BICD1: variants seen among roughly 807,000 people sequenced by gnomAD.
BICD1 encodes protein bicaudal D homolog 1.
Under a neutral mutation model 92.5 loss-of-function variants are expected in BICD1, and 35 were observed. The observed-to-expected ratio is 0.38, with a 90% CI of 0.29 to 0.50. The LOEUF is 0.50. Among genes scored for constraint, BICD1 ranks in the 20% least tolerant of loss-of-function variants. The pLI is 0.93. For missense variants in BICD1, 950 were observed against 1,189.8 expected (o/e 0.80, Z 2.97); for synonymous variants, 429 against 465.1 (o/e 0.92, Z 1.00).
intron 1 of BICD1, among the ~76,000 whole-genome samples, chr12:32,120,244 A>G (rs1274321182): frequency 6.6e-6 from 1 of 152,168 alleles, no homozygotes; most frequent in Non-Finnish European, 1.5e-5. Flanking sequence ...TTGGTTGTAC[A>G]TCTTTACTGT....
rs1036446920 is a variant in BICD1 at position 32,182,379 on chromosome 12, T to G, written c.214-33868T>G. Among the ~76,000 whole-genome samples, 3 of 143,564 alleles carry G rather than the reference T, an allele frequency of 2.1e-5. No homozygotes were observed. The South Asian group carries it at 6.8e-4, about 33-fold the overall frequency. The allele number at this position is 143,564 out of a possible 152,430, so 94.2% of individuals were successfully genotyped here. The stretch of plus-strand genomic sequence containing the variant: ...CTCACTGCAACCTCCACCTCCCGGG[T>G]CCAGGCAATTCTCCTGCCTCAGCCT... On this transcript the variant is annotated intron_variant, in intron 1 of 9. Transcript: ENST00000652176.
intron 1 of BICD1, among the ~76,000 whole-genome samples, chr12:32,119,372 A>T (rs1161439472): frequency 6.6e-6 from 1 of 152,108 alleles, no homozygotes. Context: ...TTCAATACAG[A>T]CTGTATGTTA....
chr12:32,123,436 C>T (rs544871074), intron 1 of BICD1, among the ~76,000 whole-genome samples: 4 of 152,184 alleles, frequency 2.6e-5, no homozygotes, highest in East Asian at 1.9e-4. Context: ...GACTAAGACC[C>T]CCTTCAGGGA....
Position 32,378,125 on chromosome 12 carries a change from T to C in BICD1, c.*498T>C, listed in dbSNP as rs76033317. On this transcript the variant is annotated 3_prime_UTR_variant, in exon 10 of 10. Transcript: ENST00000652176. Reference sequence around the variant, plus strand: ...TGAATTTAATTCATTTATTTTCAAATAAGCATAATTTGCTCAATTAAGTAT... The same window carrying C: ...TGAATTTAATTCATTTATTTTCAAACAAGCATAATTTGCTCAATTAAGTAT... 817 of 152,604 alleles carry C rather than the reference T, an allele frequency of 5.4e-3. 4 individuals are homozygous for C. Among genetic ancestry groups the C allele is most frequent in the African/African-American group, 0.019 (788 of 41,586 alleles). 9.5% of individuals were successfully genotyped at this position (152,604 alleles called of 1,614,324 possible).
chr12:32,376,232 C>T (rs1014276416), intron 9 of BICD1, among the ~76,000 whole-genome samples: 3 of 151,876 alleles, frequency 2.0e-5, no homozygotes, highest in South Asian at 2.1e-4. Context: ...TACAGGCACA[C>T]GCCACCATAC....
In BICD1 at chr12:32,327,578, G is replaced by A. The variant is rs1160863630; in HGVS notation, c.1123G>A (p.Val375Ile). ...HERVHRLTEH[V>I]NAMRGLQSSK... ...GCGGGTGCACCGGCTCACAGAGCAC[G>A]TCAATGCCATGAGGGGCCTGCAAAG... is the stretch of plus-strand genomic sequence containing the variant. Residue 375 changes from valine to isoleucine, a missense_variant, in exon 5 of 10, where the codon GTC becomes ATC. Val to Ile is a conservative substitution (Grantham distance 29). Around this residue, in one of 5 missense-constraint regions of BICD1, gnomAD observed 246 missense variants for 258.4 expected, o/e 0.95. Transcript: ENST00000652176. The A allele has an allele frequency of 3.1e-6, 5 of 1,614,166 alleles. No individual in the cohort carries two copies. The highest frequency in any genetic ancestry group is 2.2e-5 in the South Asian group (2 of 91,082).
intron 4 of BICD1, among the ~76,000 whole-genome samples, chr12:32,309,490 T>A (rs1948320539): frequency 6.6e-6 from 1 of 152,194 alleles, no homozygotes; most frequent in African/African-American, 2.4e-5. Flanking sequence ...ATATTAACAT[T>A]TCTGCAGTGA....
At chr12:32,141,325 A>T (rs1232457584) in intron 1 of BICD1, among the ~76,000 whole-genome samples, 1 of 151,376 alleles carries the variant, frequency 6.6e-6, no homozygotes. Context: ...TATATTTCTG[A>T]TTTTTTTTTG....
chr12:32,278,736 G>A (rs1947339428), intron 2 of BICD1, among the ~76,000 whole-genome samples: 1 of 152,152 alleles, frequency 6.6e-6, no homozygotes, highest in Non-Finnish European at 1.5e-5. Flanking sequence ...GGCGCCTGTA[G>A]TCCCAGCTAC....
intron 2 of BICD1, among the ~76,000 whole-genome samples, chr12:32,244,101 A>G (rs1489593362): frequency 7.2e-6 from 1 of 139,582 alleles, no homozygotes; most frequent in Non-Finnish European, 1.5e-5. Context: ...AATTAAAATC[A>G]TTGTCTTTCA....
intron 1 of BICD1, among the ~76,000 whole-genome samples, chr12:32,201,989 G>A (rs1944917820): frequency 6.6e-6 from 1 of 152,180 alleles, no homozygotes; most frequent in Non-Finnish European, 1.5e-5. Context: ...TTAGTAATAA[G>A]AGACTAGCTT....
intron 1 of BICD1, among the ~76,000 whole-genome samples, chr12:32,198,336 AT>A (rs1296702630): frequency 1.5e-5 from 2 of 136,904 alleles, no homozygotes; most frequent in Non-Finnish European, 3.2e-5. Flanking sequence ...CTATCTATAT[AT>A]ATATATATAT....
chr12:32,216,123 T>C, intron 1 of BICD1, 124 bp from the exon 2 acceptor site: 1 of 806,742 alleles, frequency 1.2e-6, no homozygotes, highest in Non-Finnish European at 1.9e-6. Context: ...ACTGTTATAT[T>C]TCGGGGGTCT....
At chr12:32,263,878 A>G (rs1946923470) in intron 2 of BICD1, among the ~76,000 whole-genome samples, 1 of 152,214 alleles carries the variant, frequency 6.6e-6, no homozygotes, top group African/African-American at 2.4e-5. Flanking sequence ...AGTGCTTTGC[A>G]TGGGTAGGGC....
chr12:32,251,989 A>ATTTATAATACATATTTATAATATT (rs1555156943), intron 2 of BICD1, among the ~76,000 whole-genome samples: 23 of 104,280 alleles, frequency 2.2e-4, no homozygotes, highest in African/African-American at 1.2e-3. Context: ...CTATATATAT[A>ATTTATAATACATATTTATAATATT]ATATATTTAT....
At chr12:32,125,983 A>G (rs1942316870) in intron 1 of BICD1, among the ~76,000 whole-genome samples, 1 of 141,606 alleles carries the variant, frequency 7.1e-6, no homozygotes, top group Admixed American at 7.4e-5. Context: ...CAGGAGGTGG[A>G]GTTTGCAGTT....
intron 1 of BICD1, among the ~76,000 whole-genome samples, chr12:32,196,166 A>G (rs1944719836): frequency 6.6e-6 from 1 of 152,194 alleles, no homozygotes; most frequent in Non-Finnish European, 1.5e-5. Flanking sequence ...GGATGTGGAG[A>G]AAAGAGAATT....
At chr12:32,228,909 G>A (rs1034526888) in intron 2 of BICD1, among the ~76,000 whole-genome samples, 1 of 152,154 alleles carries the variant, frequency 6.6e-6, no homozygotes, top group Non-Finnish European at 1.5e-5. Flanking sequence ...AATAGTGGGT[G>A]ATAAGGGCTA....
intron 8 of BICD1, among the ~76,000 whole-genome samples, chr12:32,346,662 A>C: frequency 8.6e-6 from 1 of 116,596 alleles, no homozygotes; most frequent in African/African-American, 2.9e-5. Context: ...ATATATACAC[A>C]CACACACGCA....
Sources: allele counts gnomAD v4.1 joint callset (sites outside exome capture counted in the v4.1 genomes callset), GRCh38; gene constraint gnomAD v4.1.1; regional missense constraint gnomAD v4.1.1; transcripts MANE v1.5; gene names NCBI Gene and HGNC (gene_info 2026-07-23, HGNC 2026-07-21).